Variants in CNTN2 observed in about 807,000 individuals in gnomAD.
The protein encoded by CNTN2 is contactin-2.
CNTN2 carries 53 observed loss-of-function variants against 117.5 expected under a neutral mutation model. The ratio of observed to expected loss-of-function variants is 0.45; its 90% confidence interval spans 0.36 to 0.57. CNTN2 has a LOEUF of 0.57. Among genes scored for constraint, CNTN2 ranks in the 20% least tolerant of loss-of-function variants. CNTN2 has a pLI of 0.00. For synonymous variants in CNTN2, 530 were observed against 561.7 expected (o/e 0.94, Z 0.80); for missense variants, 1,106 against 1,404.3 (o/e 0.79, Z 3.39).
intron 16 of CNTN2, chr1:205,067,927 C>CAAAAAAAA (rs60927879): frequency 6.8e-5 from 5 of 74,042 alleles, no homozygotes; most frequent in South Asian, 7.3e-4. Context: ...GACTCCATCT[C>CAAAAAAAA]AAAAAAAAAA....
At position 205,065,027 on chromosome 1, in the gene CNTN2, G is replaced by A. The variant is rs557362768; in HGVS notation, c.1520-60G>A. On this transcript the variant is annotated intron_variant, in intron 12 of 22. Coordinates refer to ENST00000331830, the MANE Select transcript of CNTN2 (RefSeq NM_005076.5). The surrounding 1 kb of genome is among the most constrained non-coding windows in gnomAD (Gnocchi z 4.1). ...GACAGAGCCTCTCAGCCTGCCCTGC[G>A]GACCCGGCCTGGGCCCATTTCCTCC... The A allele has an allele frequency of 1.8e-5, 29 of 1,570,822 alleles. No homozygotes were observed. Among genetic ancestry groups the A allele is most frequent in the African/African-American group, 6.7e-5 (5 of 74,168 alleles).
rs908579347 is a variant in CNTN2, at chr1:205,077,630, G to A, written c.*3865G>A. 4 of 152,270 alleles carry A rather than the reference G, an allele frequency of 2.6e-5. No homozygotes were observed. The highest frequency in any genetic ancestry group is 2.0e-4 in the Admixed American group (3 of 15,280). 9.4% of individuals were successfully genotyped at this position (152,270 alleles called of 1,614,324 possible). On this transcript the variant is annotated 3_prime_UTR_variant, in exon 23 of 23. Coordinates refer to ENST00000331830, the MANE Select transcript of CNTN2 (RefSeq NM_005076.5). ...AGCTGCGGAACACCCGTGGACTTGT[G>A]TATATGGTCATAGGCTTTGGGAAGA...
chr1:205,051,052 G>A (rs1423984212), intron 1 of CNTN2, among the ~76,000 whole-genome samples: 2 of 152,222 alleles, frequency 1.3e-5, no homozygotes, highest in Non-Finnish European at 2.9e-5. Context: ...GTAAGTCAAG[G>A]AGCATCTGCA....
At chr1:205,051,823 G>A (rs898200867) in intron 1 of CNTN2, among the ~76,000 whole-genome samples, 8 of 152,196 alleles carry the variant, frequency 5.3e-5, no homozygotes, top group Non-Finnish European at 1.2e-4. Context: ...AAAATAGAGT[G>A]TGATGTGAGA....
At chr1:205,056,430 G>A (rs1404685382) in intron 2 of CNTN2, among the ~76,000 whole-genome samples, 1 of 152,216 alleles carries the variant, frequency 6.6e-6, no homozygotes, top group African/African-American at 2.4e-5. Flanking sequence ...CAGTGAGGGA[G>A]AATGGCACAA....
intron 15 of CNTN2, 28 bp from the exon 16 acceptor site, chr1:205,067,073 G>A (rs962365287): frequency 7.6e-6 from 12 of 1,584,460 alleles, no homozygotes; most frequent in African/African-American, 2.7e-5. Context: ...AGCGAATGCT[G>A]GAATATGGAC....
At chr1:205,052,541 A>G (rs6676767) in intron 1 of CNTN2, among the ~76,000 whole-genome samples, 23,216 of 152,204 alleles carry the variant, frequency 0.15, 5,174 homozygotes, top group African/African-American at 0.49. Flanking sequence ...GGCCAAGGTC[A>G]TGACTCCACT....
At position 205,064,341 on chromosome 1, in the gene CNTN2, G is replaced by C; in HGVS notation, c.1260G>C (p.Arg420Ser). 1 of 1,591,194 alleles carries C rather than the reference G, an allele frequency of 6.3e-7. No homozygotes were observed. The highest frequency in any genetic ancestry group is 8.6e-7 in the Non-Finnish European group (1 of 1,164,482). ...TTCTAGCACTCGCCCCTGACTTCAG[G>C]CTGAATCCCGTGAGGCGTCTGATCC... ...LAVQALAPDF[R>S]LNPVRRLIPA... Residue 420 changes from arginine to serine, a missense_variant, in exon 11 of 23, where the codon AGG becomes AGC. Coordinates refer to ENST00000331830, the MANE Select transcript of CNTN2 (RefSeq NM_005076.5).
At chr1:205,045,753 G>A (rs1292493367) in intron 1 of CNTN2, among the ~76,000 whole-genome samples, 1 of 152,178 alleles carries the variant, frequency 6.6e-6, no homozygotes, top group Non-Finnish European at 1.5e-5. Context: ...AAGCCAGAGG[G>A]ACTTAAGTTA....
chr1:205,044,864 C>G (rs1251329248), intron 1 of CNTN2, among the ~76,000 whole-genome samples: 2 of 152,174 alleles, frequency 1.3e-5, no homozygotes, highest in Non-Finnish European at 2.9e-5. Flanking sequence ...GGAGCTCTCC[C>G]CTTAAAGACA....
chr1:205,067,526 A>C (rs954953702), intron 16 of CNTN2: 2 of 328,072 alleles, frequency 6.1e-6, no homozygotes, highest in Non-Finnish European at 1.1e-5. Context: ...AAGTGGAAAA[A>C]CCAAAGTTCG....
In CNTN2 at chr1:205,070,519, G is replaced by T; in HGVS notation, c.2525G>T (p.Gly842Val). The change falls in exon 19 of 23, where the codon GGT (glycine) becomes GTT (valine). Residue 842 changes from glycine (G) to valine (V), a missense_variant. Coordinates refer to ENST00000331830, the MANE Select transcript of CNTN2 (RefSeq NM_005076.5). ...TWEPVQQDMNGILLGYEIRYW... is the reference protein window; with the variant it reads ...TWEPVQQDMNVILLGYEIRYW... ...GAACCCGTGCAGCAGGACATGAATG[G>T]TATCCTCCTGGGGTATGAGGTGAGC... 1 of 1,613,620 alleles carries T rather than the reference G, an allele frequency of 6.2e-7. No individual in the cohort carries two copies. Among genetic ancestry groups the T allele is most frequent in the Non-Finnish European group, 8.5e-7 (1 of 1,179,690 alleles).
intron 9 of CNTN2, chr1:205,062,232 C>G (rs1426535544): frequency 2.1e-5 from 17 of 822,656 alleles, no homozygotes; most frequent in Non-Finnish European, 3.1e-5. Flanking sequence ...GTGGTCCTGA[C>G]TGGGTCACCT....
intron 19 of CNTN2, 89 bp downstream of exon 19, chr1:205,070,627 C>T: frequency 1.2e-6 from 1 of 860,460 alleles, no homozygotes; most frequent in South Asian, 1.5e-5. Context: ...AATCATTCCT[C>T]CTGGCGTCCC....
chr1:205,054,817 G>C (rs1338708115), intron 2 of CNTN2, among the ~76,000 whole-genome samples: 1 of 152,104 alleles, frequency 6.6e-6, no homozygotes, highest in Admixed American at 6.5e-5. Flanking sequence ...CCAGTGCAAG[G>C]AGGGGTATCA....
intron 2 of CNTN2, among the ~76,000 whole-genome samples, chr1:205,054,387 CAG>C (rs2096457730): frequency 2.6e-5 from 4 of 152,218 alleles, no homozygotes; most frequent in Non-Finnish European, 5.9e-5. Context: ...AGGGCTGACT[CAG>C]AGTGTGGGGC....
chr1:205,050,021 A>AC (rs2096449622), intron 1 of CNTN2, among the ~76,000 whole-genome samples: 1 of 141,296 alleles, frequency 7.1e-6, no homozygotes, highest in South Asian at 2.7e-4. Flanking sequence ...CCTCCAAAGA[A>AC]CTCTGTAAAG....
At chr1:205,053,421 C>T (rs1184176388) in intron 2 of CNTN2, among the ~76,000 whole-genome samples, 166 bp downstream of exon 2, 2 of 152,120 alleles carry the variant, frequency 1.3e-5, no homozygotes, top group African/African-American at 2.4e-5. Context: ...TAGATCTTAC[C>T]TTCCTTTGAG....
Position 205,061,434 on chromosome 1 carries a change from G to A in CNTN2, c.973+14G>A. 1.3e-6 allele frequency: 2 copies of A among 1,583,240 alleles called. No homozygotes were observed. Among genetic ancestry groups the A allele is most frequent in the Non-Finnish European group, 1.7e-6 (2 of 1,160,120 alleles). On this transcript the variant is annotated intron_variant, in intron 8 of 22. Coordinates refer to ENST00000331830, the MANE Select transcript of CNTN2 (RefSeq NM_005076.5). This position sits in a 1 kb window ranked among gnomAD's most constrained non-coding sequence, Gnocchi z 4.8. ...TCATCGTGCAGGGTACAGAGCCAGG[G>A]ACACCTTCTCCGCCCCTCCCGACCC...
Sources: allele counts gnomAD v4.1 joint callset (sites outside exome capture counted in the v4.1 genomes callset), GRCh38; gene constraint gnomAD v4.1.1; non-coding constraint Gnocchi (gnomAD v3.1); transcripts MANE v1.5; gene names NCBI Gene and HGNC (gene_info 2026-07-23, HGNC 2026-07-21).